The following SAMD8 variants were observed in gnomAD, a reference collection of about 807,000 sequenced individuals.
The protein encoded by SAMD8 is sphingomyelin synthase-related protein 1.
SAMD8 carries 20 observed loss-of-function variants against 42.0 expected under a neutral mutation model. The observed-to-expected ratio is 0.48, with a 90% CI of 0.34 to 0.69. SAMD8 has a LOEUF of 0.69. Ranked by LOEUF, SAMD8 falls within the 30% of genes least tolerant of loss-of-function variation. The pLI is 0.01. For synonymous variants in SAMD8, 162 were observed against 173.0 expected (o/e 0.94, Z 0.50); for missense variants, 328 against 511.6 (o/e 0.64, Z 3.46).
At chr10:75,174,416 A>T (rs1240895740) in intron 4 of SAMD8, among the ~76,000 whole-genome samples, 1 of 145,782 alleles carries the variant, frequency 6.9e-6, no homozygotes, top group African/African-American at 2.5e-5. Flanking sequence ...GGCGTGAGCC[A>T]CCGTGCCTGG....
exon 1 of SAMD8, chr10:75,099,664 T>A: frequency 1.4e-6 from 1 of 702,296 alleles, no homozygotes; most frequent in East Asian, 3.7e-5. Flanking sequence ...CTGCTTGGTA[T>A]CTGTTTGGGA....
intron 1 of SAMD8, among the ~76,000 whole-genome samples, chr10:75,121,076 C>G (rs1463105340): frequency 6.6e-6 from 1 of 152,066 alleles, no homozygotes; most frequent in East Asian, 1.9e-4. Context: ...CACACCCGGA[C>G]TTTTGAGCAG....
rs186277321 is a variant in SAMD8, at chr10:75,176,244, G to A, written c.943+28G>A. 3.9e-5 allele frequency: 63 copies of A among 1,614,098 alleles called. No individual in the cohort carries two copies. The African/African-American group carries it at 5.7e-4, about 15-fold the overall frequency. On this transcript the variant is annotated intron_variant, in intron 5 of 5. Coordinates refer to ENST00000542569, the MANE Select transcript of SAMD8 (RefSeq NM_001174156.2). This position sits in a 1 kb window ranked among gnomAD's most constrained non-coding sequence, Gnocchi z 4.3. ...AAGTATCTTTTTAGTGCTTCTATGCGTATTAGGTAACTAGCTGCAGTGAAG... is the reference window on the plus strand; with the variant it reads ...AAGTATCTTTTTAGTGCTTCTATGCATATTAGGTAACTAGCTGCAGTGAAG...
At chr10:75,146,185 A>C (rs1232646454) in intron 1 of SAMD8, among the ~76,000 whole-genome samples, 1 of 151,554 alleles carries the variant, frequency 6.6e-6, no homozygotes, top group African/African-American at 2.4e-5. Flanking sequence ...GTGGCTGGGA[A>C]ACTCAAGGCC....
chr10:75,109,002 C>G, upstream of SAMD8: 1 of 1,595,110 alleles, frequency 6.3e-7, no homozygotes, highest in Admixed American at 1.7e-5. Context: ...GGCCAGCTAC[C>G]ACTCACGCAT....
upstream of SAMD8, among the ~76,000 whole-genome samples, chr10:75,107,638 A>G (rs1013403749): frequency 6.6e-6 from 1 of 152,028 alleles, no homozygotes; most frequent in Non-Finnish European, 1.5e-5. Flanking sequence ...GTGAAGTGGC[A>G]TGATCTCGGC....
intron 1 of SAMD8, among the ~76,000 whole-genome samples, chr10:75,104,818 G>T (rs905976425): frequency 2.0e-5 from 3 of 152,070 alleles, no homozygotes; most frequent in African/African-American, 7.2e-5. Context: ...AGGGGAAGGG[G>T]TCGATGCTGC....
At chr10:75,168,053 A>G (rs1457148176) in intron 3 of SAMD8, among the ~76,000 whole-genome samples, 1 of 151,356 alleles carries the variant, frequency 6.6e-6, no homozygotes, top group African/African-American at 2.4e-5. Flanking sequence ...CTGGAGTGCA[A>G]TGGCGCAGTC....
intron 1 of SAMD8, among the ~76,000 whole-genome samples, chr10:75,126,058 C>G (rs753821165): frequency 2.6e-5 from 4 of 152,192 alleles, no homozygotes; most frequent in Admixed American, 6.5e-5. Context: ...TGCCTTCATA[C>G]TTTGGTCATG....
chr10:75,131,474 AG>A (rs1350430961), intron 1 of SAMD8, among the ~76,000 whole-genome samples: 1 of 152,160 alleles, frequency 6.6e-6, no homozygotes, highest in East Asian at 1.9e-4. Flanking sequence ...TATAATATTA[AG>A]AAAAATTATA....
intron 1 of SAMD8, among the ~76,000 whole-genome samples, chr10:75,146,215 T>G (rs980417583): frequency 6.6e-6 from 1 of 150,600 alleles, no homozygotes; most frequent in African/African-American, 2.4e-5. Context: ...GGCAGTAGGG[T>G]TCACCTTATT....
rs1841036824 is a variant in SAMD8, at chr10:75,178,959, G to A, written c.*2267G>A. The A allele has an allele frequency of 6.6e-6, 1 of 152,254 alleles. No homozygotes were observed. Among genetic ancestry groups the A allele is most frequent in the Non-Finnish European group, 1.5e-5 (1 of 68,084 alleles). The allele number at this position is 152,254 out of a possible 1,614,324, so 9.4% of individuals were successfully genotyped here. On this transcript the variant is annotated 3_prime_UTR_variant, in exon 6 of 6. Coordinates refer to ENST00000542569, the MANE Select transcript of SAMD8 (RefSeq NM_001174156.2). ...AACAAGAAACACTTGAACCCAGGAGGTGGAGTTTGCATTGAGCTGAGATCA... is the reference window on the plus strand; with the variant it reads ...AACAAGAAACACTTGAACCCAGGAGATGGAGTTTGCATTGAGCTGAGATCA...
rs191796791 is a variant in SAMD8 at position 75,152,047 on chromosome 10, C to T, written c.578+941C>T. 1.5e-3 allele frequency among the ~76,000 whole-genome samples: 209 copies of T among 137,602 alleles called. 2 individuals are homozygous for T. In the East Asian group the frequency reaches 0.042, roughly 28 times the overall value. 90.3% of individuals were successfully genotyped at this position (137,602 alleles called of 152,430 possible). On this transcript the variant is annotated intron_variant, in intron 2 of 5. Coordinates refer to ENST00000542569, the MANE Select transcript of SAMD8 (RefSeq NM_001174156.2). ...GATGTTTGTAATAAATGGAACTTGG[C>T]TGCCTTTTTTTATTTTTTTTTAAAT...
chr10:75,149,078 AC>A (rs1840219232), intron 1 of SAMD8, among the ~76,000 whole-genome samples: 1 of 152,122 alleles, frequency 6.6e-6, no homozygotes, highest in Non-Finnish European at 1.5e-5. Flanking sequence ...AAGTTTGCCT[AC>A]CATTTTTAAA....
At chr10:75,166,519 C>G (rs1589974730) in intron 3 of SAMD8, among the ~76,000 whole-genome samples, 1 of 152,190 alleles carries the variant, frequency 6.6e-6, no homozygotes, top group Middle Eastern at 3.4e-3. Flanking sequence ...AGGTAAACCA[C>G]AGTGATGAGC....
At chr10:75,109,802 A>G (rs930265781), upstream of SAMD8, among the ~76,000 whole-genome samples, 2 of 106,796 alleles carry the variant, frequency 1.9e-5, no homozygotes, top group African/African-American at 7.4e-5. Flanking sequence ...TCATGGGGGG[A>G]GGGGGAAGGT....
upstream of SAMD8, among the ~76,000 whole-genome samples, chr10:75,110,444 G>T (rs969897974): frequency 2.6e-5 from 4 of 152,212 alleles, no homozygotes; most frequent in Non-Finnish European, 5.9e-5. Context: ...ATGAGCTGCA[G>T]TGGGGAGGTT....
At chr10:75,138,082 ATC>A (rs964117266) in intron 1 of SAMD8, among the ~76,000 whole-genome samples, 2 of 152,074 alleles carry the variant, frequency 1.3e-5, no homozygotes, top group Non-Finnish European at 2.9e-5. Flanking sequence ...CCATTTCACC[ATC>A]TGTTTTCCAT....
chr10:75,166,522 T>C lies in SAMD8; in HGVS notation c.674+1782T>C, dbSNP rs192475824. Among the ~76,000 whole-genome samples, 142 of 152,226 alleles carry C rather than the reference T, an allele frequency of 9.3e-4. 1 individual carries two copies. The highest frequency in any genetic ancestry group is 6.8e-3 in the Middle Eastern group (2 of 294). On this transcript the variant is annotated intron_variant, in intron 3 of 5. Coordinates refer to ENST00000542569, the MANE Select transcript of SAMD8 (RefSeq NM_001174156.2). Reference sequence around the variant, plus strand: ...AGGAAGTGCTTGAGGTAAACCACAGTGATGAGCTTTAGGTCCTAAGCAGCA... The same window carrying C: ...AGGAAGTGCTTGAGGTAAACCACAGCGATGAGCTTTAGGTCCTAAGCAGCA...
Sources: gnomAD v4.1 joint callset for allele counts (sites outside exome capture counted in the v4.1 genomes callset) on GRCh38, gnomAD v4.1.1 for gene constraint, Gnocchi (gnomAD v3.1) non-coding constraint, MANE v1.5 for transcripts, NCBI Gene and HGNC (gene_info 2026-07-23, HGNC 2026-07-21) for gene names.